The following RUNX3 variants were observed in gnomAD, a reference collection of about 807,000 sequenced individuals.
RUNX3 encodes the protein RUNX family transcription factor 3, also known as runt-related transcription factor 3.
A neutral mutation model predicts 27.7 loss-of-function variants in RUNX3; 10 were observed. The observed-to-expected ratio is 0.36, with a 90% confidence interval of 0.22 to 0.61. The LOEUF (loss-of-function observed/expected upper bound fraction) is 0.61, where lower values mean the gene tolerates loss of function less well. Among genes scored for constraint, RUNX3 ranks in the 20% least tolerant of loss-of-function variants. The probability of loss-of-function intolerance (pLI) is 0.72; values close to 1 mark genes in which losing one functional copy is unlikely to be tolerated. For synonymous variants in RUNX3, 270 were observed against 269.2 expected (o/e 1.00, Z -0.03); for missense variants, 469 against 629.5 (o/e 0.75, Z 2.73).
At chr1:24,935,294 G>A (rs894466901) in intron 2 of RUNX3, among the ~76,000 whole-genome samples, 1 of 152,272 alleles carries the variant, frequency 6.6e-6, no homozygotes, top group South Asian at 2.1e-4. Context: ...ATCTGAATGC[G>A]GGGGTGCACT....
intron 3 of RUNX3, 152 bp from the exon 4 acceptor site, chr1:24,907,569 T>C (rs1393066977): frequency 1.4e-6 from 1 of 716,238 alleles, no homozygotes; most frequent in Non-Finnish European, 2.3e-6. Context: ...TTCACAGAGG[T>C]TTTCAAAAGA....
intron 3 of RUNX3, among the ~76,000 whole-genome samples, chr1:24,907,966 G>A (rs932037505): frequency 1.3e-5 from 2 of 150,450 alleles, no homozygotes; most frequent in African/African-American, 2.5e-5. Context: ...AACCACACGC[G>A]GTGATCTAAA....
intron 2 of RUNX3, among the ~76,000 whole-genome samples, chr1:24,944,985 A>G (rs186688448): frequency 9.1e-4 from 139 of 152,318 alleles, no homozygotes; most frequent in African/African-American, 3.2e-3. Context: ...CCCTTCCTTG[A>G]TTGACAGTTC....
At position 24,923,350 on chromosome 1, in the gene RUNX3, C is replaced by T. The variant is rs139295990; in HGVS notation, c.440-4006G>A. ...TGTCTCCCTGAGTGCCCCTCAGCTA[C>T]CCCGGCCCTGCCCAGCTCTCTCTCT... On this transcript the variant is annotated intron_variant, in intron 2 of 4. Transcript: ENST00000308873. This position sits in a 1 kb window ranked among gnomAD's most constrained non-coding sequence, Gnocchi z 5.9. Among the ~76,000 whole-genome samples, 75 of 152,248 alleles carry T rather than the reference C, an allele frequency of 4.9e-4. No individual in the cohort carries two copies. The highest frequency in any genetic ancestry group is 1.7e-3 in the African/African-American group (72 of 41,538).
intron 4 of RUNX3, among the ~76,000 whole-genome samples, chr1:24,903,176 C>G (rs543999082): frequency 6.6e-6 from 1 of 152,324 alleles, no homozygotes; most frequent in East Asian, 1.9e-4. Context: ...AGAGAGAGAG[C>G]AAGACTGAGT....
At chr1:24,922,994 C>T (rs1032617160) in intron 2 of RUNX3, among the ~76,000 whole-genome samples, 5 of 152,098 alleles carry the variant, frequency 3.3e-5, no homozygotes, top group African/African-American at 1.2e-4. Context: ...GTGTCTCCAG[C>T]CCCTAGGACG....
At chr1:24,921,362 C>T (rs905857915) in intron 2 of RUNX3, among the ~76,000 whole-genome samples, 1 of 152,184 alleles carries the variant, frequency 6.6e-6, no homozygotes, top group Non-Finnish European at 1.5e-5. Context: ...CCCTCTGAGA[C>T]ACCAGGGGGA....
At position 24,901,414 on chromosome 1, in the gene RUNX3, C is replaced by T. The variant is rs1640547428; in HGVS notation, c.*708G>A. ...GTAGGTGCTTTCCTGGGTTTAAGAA[C>T]CTGATGCCATAGACTCATCTTCTCT... On this transcript the variant is annotated 3_prime_UTR_variant, in exon 5 of 5. Coordinates refer to ENST00000308873, the MANE Select transcript of RUNX3 (RefSeq NM_004350.3). The T allele has an allele frequency of 6.6e-6, 1 of 152,638 alleles. No individual in the cohort carries two copies. Among genetic ancestry groups the T allele is most frequent in the South Asian group, 2.1e-4 (1 of 4,816 alleles). The allele number at this position is 152,638 out of a possible 1,614,324, so 9.5% of individuals were successfully genotyped here.
At position 24,943,113 on chromosome 1, in the gene RUNX3, TC is replaced by T. The variant is rs888319567; in HGVS notation, c.59-13262del. ...GGGTGTCATTGATCTTGCCCGGTGT[TC>T]CAGCCACCAGGCGGGACCAGCGCCG... On this transcript the variant is annotated intron_variant, in intron 2 of 6. Transcript: ENST00000338888. This position sits in a 1 kb window ranked among gnomAD's most constrained non-coding sequence, Gnocchi z 4.6. Among the ~76,000 whole-genome samples the T allele has an allele frequency of 6.6e-6, 1 of 152,250 alleles. No homozygotes were observed. Among genetic ancestry groups the T allele is most frequent in the African/African-American group, 2.4e-5 (1 of 41,470 alleles).
At chr1:24,907,972 CTAAA>C (rs1640704136) in intron 3 of RUNX3, among the ~76,000 whole-genome samples, 3 of 151,712 alleles carry the variant, frequency 2.0e-5, no homozygotes, top group East Asian at 1.9e-4. Flanking sequence ...ACGCGGTGAT[CTAAA>C]CCTCTACAAC....
intron 2 of RUNX3, among the ~76,000 whole-genome samples, chr1:24,947,728 C>A (rs1160627113): frequency 6.6e-6 from 1 of 152,218 alleles, no homozygotes; most frequent in African/African-American, 2.4e-5. Flanking sequence ...TTCCCCACAA[C>A]CCAGAGAGCT....
intron 3 of RUNX3, among the ~76,000 whole-genome samples, chr1:24,911,731 T>C (rs2124264407): frequency 6.6e-6 from 1 of 152,204 alleles, no homozygotes; most frequent in East Asian, 1.9e-4. Context: ...AGCCCAGGGC[T>C]CTTTTCCTGA....
chr1:24,949,080 G>A (rs1034019101), intron 2 of RUNX3, among the ~76,000 whole-genome samples: 1 of 152,042 alleles, frequency 6.6e-6, no homozygotes, highest in African/African-American at 2.4e-5. Context: ...TCTTTGAGGG[G>A]ATGGGGGTCT....
chr1:24,938,393 C>T (rs1571336436), intron 2 of RUNX3, among the ~76,000 whole-genome samples: 1 of 152,208 alleles, frequency 6.6e-6, no homozygotes, highest in Non-Finnish European at 1.5e-5. Context: ...GATTTGCCCA[C>T]CGTCACAGAA....
At chr1:24,922,177 TCTTTCTTTC>T (rs761148686) in intron 2 of RUNX3, among the ~76,000 whole-genome samples, 3 of 151,030 alleles carry the variant, frequency 2.0e-5, no homozygotes, top group Admixed American at 6.6e-5. Flanking sequence ...TCCTTTCTTT[TCTTTCTTTC>T]CTTTCTTTCT....
In RUNX3 at chr1:24,904,804, GTACC is replaced by G. The variant is rs1640630987; in HGVS notation, c.704-2142_704-2139del. Among the ~76,000 whole-genome samples, 1 of 152,072 alleles carries G rather than the reference GTACC, an allele frequency of 6.6e-6. No individual in the cohort carries two copies. Among genetic ancestry groups the G allele is most frequent in the Non-Finnish European group, 1.5e-5 (1 of 67,984 alleles). On this transcript the variant is annotated intron_variant, in intron 4 of 4. Coordinates refer to ENST00000308873, the MANE Select transcript of RUNX3 (RefSeq NM_004350.3). The surrounding 1 kb of genome is among the most constrained non-coding windows in gnomAD (Gnocchi z 5.7). Reference sequence around the variant, plus strand: ...CCCCTCCTCCGGGGTGGTGGGGGAAGTACCTGCCCTCAGCACTCCCTCAGACCCC... The same window carrying G: ...CCCCTCCTCCGGGGTGGTGGGGGAAGTGCCCTCAGCACTCCCTCAGACCCC...
At chr1:24,913,789 C>G (rs1046483972) in intron 3 of RUNX3, among the ~76,000 whole-genome samples, 5 of 152,188 alleles carry the variant, frequency 3.3e-5, no homozygotes, top group African/African-American at 1.2e-4. Context: ...AGCCTGGGGT[C>G]CTACCCCCGC....
intron 2 of RUNX3, among the ~76,000 whole-genome samples, chr1:24,956,187 G>A (rs1383908299): frequency 6.6e-6 from 1 of 152,242 alleles, no homozygotes; most frequent in African/African-American, 2.4e-5. Context: ...TGCCTGGGTG[G>A]GAGCAGGCCG....
In RUNX3 at chr1:24,922,782, C is replaced by CAAAAAAAAA. The variant is rs57671911; in HGVS notation, c.440-3447_440-3439dup. On this transcript the variant is annotated intron_variant, in intron 2 of 4. Transcript: ENST00000308873. ...CCAGCTATCAGAGGGGCCCACAGGGCAAAAAAAAAAAAAAAAAAAAAAAAA... is the reference window on the plus strand; with the variant it reads ...CCAGCTATCAGAGGGGCCCACAGGGCAAAAAAAAAAAAAAAAAAAAAAAAAAAAAAAAAA... 4.2e-4 allele frequency among the ~76,000 whole-genome samples: 9 copies of CAAAAAAAAA among 21,554 alleles called. 2 individuals carry two copies. The highest frequency in any genetic ancestry group is 9.3e-4 in the Non-Finnish European group (7 of 7,566). The allele number at this position is 21,554 out of a possible 152,430, so 14.1% of individuals were successfully genotyped here. A position where few individuals can be genotyped will look rare whatever the true frequency, so the allele number is the denominator to read the frequency against.
Sources: allele counts gnomAD v4.1 joint callset (sites outside exome capture counted in the v4.1 genomes callset), GRCh38; gene constraint gnomAD v4.1.1; non-coding constraint Gnocchi (gnomAD v3.1); transcripts MANE v1.5; gene names NCBI Gene and HGNC (gene_info 2026-07-23, HGNC 2026-07-21).